The following TERB2 variants were observed in gnomAD, a reference collection of about 807,000 sequenced individuals.
TERB2 encodes telomere repeats-binding bouquet formation protein 2.
Under a neutral mutation model 29.8 loss-of-function variants are expected in TERB2, and 26 were observed. The ratio of observed to expected loss-of-function variants is 0.87; its 90% CI spans 0.64 to 1.21. TERB2 has a LOEUF of 1.21. Among genes scored for constraint, TERB2 ranks in the 50% most tolerant of loss-of-function variants. TERB2 has a pLI of 0.00. For missense variants in TERB2, 240 were observed against 268.6 expected (o/e 0.89, Z 0.74); for synonymous variants, 80 against 90.8 (o/e 0.88, Z 0.68).
At chr15:44,963,469 CA>C (rs994236404) in intron 4 of TERB2, among the ~76,000 whole-genome samples, 1 of 151,462 alleles carries the variant, frequency 6.6e-6, no homozygotes, top group Non-Finnish European at 1.5e-5. Flanking sequence ...TCATAAAATA[CA>C]AAAAAAGCAA....
At chr15:44,973,370 T>C (rs1891998464) in intron 5 of TERB2, among the ~76,000 whole-genome samples, 1 of 152,198 alleles carries the variant, frequency 6.6e-6, no homozygotes, top group Non-Finnish European at 1.5e-5. Flanking sequence ...ATTATTGTAC[T>C]TTCAGGGATA....
intron 6 of TERB2, among the ~76,000 whole-genome samples, chr15:44,974,252 A>G (rs1892011632): frequency 6.6e-6 from 1 of 152,186 alleles, no homozygotes; most frequent in South Asian, 2.1e-4. Context: ...TTAATTCTCA[A>G]GTGTCCCAGT....
intron 2 of TERB2, 76 bp downstream of exon 2, chr15:44,957,053 A>C: frequency 1.4e-6 from 2 of 1,439,128 alleles, no homozygotes; most frequent in Non-Finnish European, 1.9e-6. Context: ...CAGTCCACTA[A>C]TAAATATTGA....
chr15:44,962,081 T>A (rs1430504349), intron 4 of TERB2, among the ~76,000 whole-genome samples: 1 of 152,154 alleles, frequency 6.6e-6, no homozygotes, highest in Non-Finnish European at 1.5e-5. Context: ...TTAGTAAAAT[T>A]GAGGTTATTT....
Position 44,967,555 on chromosome 15 carries a change from G to T in TERB2, c.434+1312G>T, listed in dbSNP as rs368071933. ...TTTATATGAGGGTTTAAGGAATCTGGCTCAGGGCTGAGGCCAGTTTCTTTC... is the reference window on the plus strand; with the variant it reads ...TTTATATGAGGGTTTAAGGAATCTGTCTCAGGGCTGAGGCCAGTTTCTTTC... On this transcript the variant is annotated intron_variant, in intron 5 of 6. Transcript: ENST00000340827. Among the ~76,000 whole-genome samples the T allele has an allele frequency of 3.9e-5, 6 of 152,334 alleles. No homozygotes were observed. In the East Asian group the frequency reaches 7.7e-4, roughly 20 times the overall value.
chr15:44,963,833 T>C (rs530105069), intron 4 of TERB2, among the ~76,000 whole-genome samples: 1 of 137,580 alleles, frequency 7.3e-6, no homozygotes, highest in Non-Finnish European at 1.5e-5. Context: ...TTTTTTGAGA[T>C]GGAGCCTCGT....
intron 2 of TERB2, among the ~76,000 whole-genome samples, chr15:44,957,526 T>C (rs1282240037): frequency 2.0e-5 from 3 of 152,128 alleles, no homozygotes; most frequent in Non-Finnish European, 2.9e-5. Flanking sequence ...AGGGCCTGTG[T>C]TCTCCAAAAC....
intron 3 of TERB2, among the ~76,000 whole-genome samples, chr15:44,958,753 C>A (rs1891760070): frequency 1.3e-5 from 2 of 152,344 alleles, no homozygotes; most frequent in African/African-American, 4.8e-5. Flanking sequence ...TGCCAGGTTT[C>A]AACCTGGGTA....
chr15:44,972,068 C>A (rs8023290), intron 5 of TERB2, among the ~76,000 whole-genome samples: 2 of 144,670 alleles, frequency 1.4e-5, no homozygotes, highest in Admixed American at 1.4e-4. Context: ...TGGCTCACTG[C>A]AACCTCCGCC....
chr15:44,978,815 C>A lies in TERB2; in HGVS notation c.*187C>A. 1.5e-6 allele frequency: 1 copy of A among 686,876 alleles called. No homozygotes were observed. Among genetic ancestry groups the A allele is most frequent in the Non-Finnish European group, 2.0e-6 (1 of 489,996 alleles). 42.5% of individuals were successfully genotyped at this position (686,876 alleles called of 1,614,324 possible). On this transcript the variant is annotated 3_prime_UTR_variant, in exon 7 of 7. Coordinates refer to ENST00000340827, the MANE Select transcript of TERB2 (RefSeq NM_152448.3). ...CTGTGTTTTGACATTTTTCCCCTAG[C>A]TTTTAACAACATGTTCAAATATTCT...
intron 6 of TERB2, among the ~76,000 whole-genome samples, chr15:44,976,702 A>G (rs2141245833): frequency 6.6e-6 from 1 of 152,262 alleles, no homozygotes; most frequent in South Asian, 2.1e-4. Context: ...GGGATTGTCC[A>G]CCAGGAGTGC....
intron 5 of TERB2, among the ~76,000 whole-genome samples, chr15:44,968,436 G>C (rs1011710507): frequency 2.0e-5 from 3 of 151,986 alleles, no homozygotes; most frequent in Non-Finnish European, 2.9e-5. Flanking sequence ...GCCCAGGCTG[G>C]TCTCAAATTC....
intron 6 of TERB2, among the ~76,000 whole-genome samples, chr15:44,976,376 G>A (rs1337326752): frequency 1.3e-5 from 2 of 152,146 alleles, no homozygotes; most frequent in Admixed American, 1.3e-4. Context: ...GTTATTGGCA[G>A]GTGTTGGGTC....
At chr15:44,970,691 T>C in intron 5 of TERB2, 1 of 172,486 alleles carries the variant, frequency 5.8e-6, no homozygotes, top group Non-Finnish European at 1.3e-5. Context: ...GATCTTCAGG[T>C]TACAGCTTAA....
intron 5 of TERB2, among the ~76,000 whole-genome samples, chr15:44,968,326 G>T (rs951832035): frequency 4.0e-5 from 6 of 151,816 alleles, no homozygotes; most frequent in African/African-American, 1.5e-4. Flanking sequence ...AGCAATTCTT[G>T]TGCCTTGGCC....
At chr15:44,973,788 T>G in intron 5 of TERB2, 79 bp from the exon 6 acceptor site, 5 of 923,958 alleles carry the variant, frequency 5.4e-6, no homozygotes, top group Non-Finnish European at 6.8e-6. Context: ...TATTTATAAA[T>G]ATACTTTAAT....
At chr15:44,972,846 A>T (rs57888732) in intron 5 of TERB2, among the ~76,000 whole-genome samples, 27,452 of 149,838 alleles carry the variant, frequency 0.18, 2,883 homozygotes, top group East Asian at 0.33. Flanking sequence ...AAGAATATAC[A>T]TTTTTTTAGA....
At chr15:44,971,981 CTTTTTTTTTTTT>C (rs71111900) in intron 5 of TERB2, among the ~76,000 whole-genome samples, 4 of 66,334 alleles carry the variant, frequency 6.0e-5, no homozygotes, top group Non-Finnish European at 8.0e-5. Context: ...GAAATAGAAG[CTTTTTTTTTTTT>C]TTTTTTTTTT....
chr15:44,964,534 A>C (rs1595476343), intron 4 of TERB2, among the ~76,000 whole-genome samples: 1 of 152,232 alleles, frequency 6.6e-6, no homozygotes, highest in Non-Finnish European at 1.5e-5. Flanking sequence ...ACATGAGAAA[A>C]CTAAGGTAAA....
Sources: allele counts gnomAD v4.1 joint callset (sites outside exome capture counted in the v4.1 genomes callset), GRCh38; gene constraint gnomAD v4.1.1; transcripts MANE v1.5; gene names NCBI Gene and HGNC (gene_info 2026-07-23, HGNC 2026-07-21).